The following PIK3R1 variants were observed in gnomAD, a reference collection of about 807,000 sequenced individuals.
PIK3R1 encodes phosphatidylinositol 3-kinase regulatory subunit alpha.
Under a neutral mutation model 98.0 loss-of-function variants are expected in PIK3R1, and 29 were observed. The observed-to-expected ratio is 0.30, with a 90% CI of 0.22 to 0.40. The LOEUF is 0.40. Among genes scored for constraint, PIK3R1 ranks in the 10% least tolerant of loss-of-function variants. The pLI, the probability that PIK3R1 is intolerant of heterozygous loss-of-function variation, is 1.00. For missense variants in PIK3R1, 596 were observed against 872.7 expected, an observed-to-expected ratio of 0.68 and a Z score of 3.99; for synonymous variants, 282 against 311.8, an observed-to-expected ratio of 0.90 and a Z score of 1.01.
intron 2 of PIK3R1, among the ~76,000 whole-genome samples, chr5:68,268,220 A>G (rs1746201622): frequency 6.6e-6 from 1 of 152,168 alleles, no homozygotes; most frequent in South Asian, 2.1e-4. Flanking sequence ...ATTAAAACCT[A>G]AGCCTCTTTG....
chr5:68,288,455 C>T (rs1429508167), intron 7 of PIK3R1: 2 of 1,285,022 alleles, frequency 1.6e-6, no homozygotes. Context: ...CAATGAGGAG[C>T]CGGCAGTGAG....
intron 7 of PIK3R1, among the ~76,000 whole-genome samples, 162 bp downstream of exon 7, chr5:68,281,168 G>T (rs1009833276): frequency 1.3e-5 from 2 of 152,172 alleles, no homozygotes; most frequent in Non-Finnish European, 2.9e-5. Flanking sequence ...CTGAGTGGTA[G>T]TGTATATGTT....
At chr5:68,269,793 C>T (rs1746270768) in intron 2 of PIK3R1, among the ~76,000 whole-genome samples, 1 of 151,872 alleles carries the variant, frequency 6.6e-6, no homozygotes, top group African/African-American at 2.4e-5. Context: ...GTAGAACTTT[C>T]ACATTCACCA....
intron 2 of PIK3R1, among the ~76,000 whole-genome samples, chr5:68,250,116 AC>A (rs1015631323): frequency 6.6e-6 from 1 of 151,806 alleles, no homozygotes; most frequent in African/African-American, 2.4e-5. Flanking sequence ...CAGCTGGGAG[AC>A]CCCCAGTGGT....
At chr5:68,277,261 A>G (rs1333061265) in intron 4 of PIK3R1, among the ~76,000 whole-genome samples, 3 of 152,168 alleles carry the variant, frequency 2.0e-5, no homozygotes, top group South Asian at 2.1e-4. Flanking sequence ...CACACACACA[A>G]TTTTATTTGA....
chr5:68,236,292 C>G (rs533302725), intron 2 of PIK3R1, among the ~76,000 whole-genome samples: 1 of 151,886 alleles, frequency 6.6e-6, no homozygotes, highest in Non-Finnish European at 1.5e-5. Flanking sequence ...CTCTGTCGCC[C>G]GGGCTGGAGA....
chr5:68,288,851 G>A, intron 7 of PIK3R1: 3 of 1,209,668 alleles, frequency 2.5e-6, no homozygotes, highest in Non-Finnish European at 3.7e-6. Context: ...GCCCCTGTAA[G>A]CGCTGCCTGG....
At chr5:68,222,176 A>G (rs1449708030) in intron 1 of PIK3R1, among the ~76,000 whole-genome samples, 6 of 152,230 alleles carry the variant, frequency 3.9e-5, no homozygotes, top group Non-Finnish European at 8.8e-5. Context: ...GAATAGAGGC[A>G]TGATAGAGTG....
In PIK3R1 at chr5:68,298,741, A is replaced by G. The variant is rs916807458; in HGVS notation, c.*1140A>G. On this transcript the variant is annotated 3_prime_UTR_variant, in exon 16 of 16. Transcript: ENST00000521381. Reference sequence around the variant, plus strand: ...CAAAGCTGCTTTATTCAATAAAAAAAAGAAATGAAAAAGATATATGAATAT... The same window carrying G: ...CAAAGCTGCTTTATTCAATAAAAAAGAGAAATGAAAAAGATATATGAATAT... The G allele has an allele frequency of 1.3e-5, 3 of 233,376 alleles. No homozygotes were observed. Among genetic ancestry groups the G allele is most frequent in the African/African-American group, 6.6e-5 (3 of 45,334 alleles). 14.5% of individuals were successfully genotyped at this position (233,376 alleles called of 1,614,324 possible).
intron 2 of PIK3R1, among the ~76,000 whole-genome samples, chr5:68,244,501 A>T (rs1453518812): frequency 1.3e-5 from 1 of 74,216 alleles, no homozygotes; most frequent in African/African-American, 6.3e-5. Context: ...AGGGCCGCCT[A>T]TTTCTCTAGG....
intron 2 of PIK3R1, among the ~76,000 whole-genome samples, chr5:68,249,558 C>T (rs527539777): frequency 2.2e-4 from 34 of 152,276 alleles, no homozygotes; most frequent in African/African-American, 7.9e-4. Flanking sequence ...TCATATTGGG[C>T]ATTGGACTTC....
intron 2 of PIK3R1, among the ~76,000 whole-genome samples, chr5:68,262,403 T>TATATAC (rs33968242): frequency 0.24 from 34,113 of 140,080 alleles, 4,625 homozygotes; most frequent in African/African-American, 0.36. Flanking sequence ...TATATATATA[T>TATATAC]ACACACACGC....
At position 68,226,314 on chromosome 5, in the gene PIK3R1, C is replaced by T. The variant is rs979065190; in HGVS notation, c.-362C>T. 10 of 417,744 alleles carry T rather than the reference C, an allele frequency of 2.4e-5. No homozygotes were observed. The highest frequency in any genetic ancestry group is 1.0e-4 in the African/African-American group (5 of 49,288). 25.9% of individuals were successfully genotyped at this position (417,744 alleles called of 1,614,324 possible). ...GGTGAAGCTCGTGTGTGGAGTGCCA[C>T]GGTACAATCAGACGACAGATGGACA... On this transcript the variant is annotated 5_prime_UTR_variant, in exon 2 of 16. The change creates a new upstream start codon in the 5' untranslated region. Coordinates refer to ENST00000521381, the MANE Select transcript of PIK3R1 (RefSeq NM_181523.3).
intron 1 of PIK3R1, among the ~76,000 whole-genome samples, chr5:68,225,256 T>C (rs999163964): frequency 1.3e-5 from 2 of 152,166 alleles, no homozygotes; most frequent in Non-Finnish European, 2.9e-5. Context: ...TTTTAACTTT[T>C]GATTTGTCCT....
chr5:68,295,675 G>A (rs1747674333), intron 14 of PIK3R1, 187 bp downstream of exon 14: 5 of 604,332 alleles, frequency 8.3e-6, no homozygotes, highest in Non-Finnish European at 1.5e-5. Flanking sequence ...AGGAGGACTA[G>A]GATTTATTTT....
chr5:68,229,439 C>G, intron 2 of PIK3R1, among the ~76,000 whole-genome samples: 1 of 150,738 alleles, frequency 6.6e-6, no homozygotes, highest in African/African-American at 2.4e-5. Context: ...TTTTTTTTTC[C>G]TTTTAACACC....
intron 1 of PIK3R1, among the ~76,000 whole-genome samples, chr5:68,218,879 T>C (rs1448926404): frequency 6.6e-6 from 1 of 152,242 alleles, no homozygotes; most frequent in Non-Finnish European, 1.5e-5. Flanking sequence ...ATATAAATTA[T>C]ATCACAGCTT....
intron 2 of PIK3R1, among the ~76,000 whole-genome samples, chr5:68,272,171 T>C (rs889862176): frequency 1.6e-4 from 24 of 148,542 alleles, no homozygotes; most frequent in African/African-American, 6.0e-4. Flanking sequence ...GAGGATCACA[T>C]GAACTCAGGA....
rs1437507392 is a variant in PIK3R1 at position 68,300,610 on chromosome 5, G to A, written c.*3009G>A. The A allele has an allele frequency of 8.6e-6, 2 of 233,272 alleles. No individual in the cohort carries two copies. The highest frequency in any genetic ancestry group is 1.7e-5 in the Non-Finnish European group (2 of 118,044). 14.5% of individuals were successfully genotyped at this position (233,272 alleles called of 1,614,324 possible). A position where few individuals can be genotyped will look rare whatever the true frequency, so the allele number is the denominator to read the frequency against. On this transcript the variant is annotated 3_prime_UTR_variant, in exon 16 of 16. Transcript: ENST00000521381. ...TGTTTGCAACATCTGATAACTTCAT[G>A]GCCTTTGATAAATGTATATATGTAT... is the stretch of plus-strand genomic sequence containing the variant.
Sources: allele counts gnomAD v4.1 joint callset (sites outside exome capture counted in the v4.1 genomes callset), GRCh38; gene constraint gnomAD v4.1.1; transcripts MANE v1.5; gene names NCBI Gene and HGNC (gene_info 2026-07-23, HGNC 2026-07-21).